CDHR2: variants seen among roughly 807,000 people sequenced by gnomAD.
CDHR2 encodes cadherin related family member 2.
Under a neutral mutation model 138.6 loss-of-function variants are expected in CDHR2, and 104 were observed. That is an observed-to-expected ratio of 0.75 (90% CI 0.64 to 0.88). The LOEUF (loss-of-function observed/expected upper bound fraction) is 0.88. CDHR2 is among the 40% of genes least tolerant of loss of function. The pLI is 0.00. For missense variants in CDHR2, 1,624 were observed against 1,727.6 expected (o/e 0.94, Z 1.06); for synonymous variants, 755 against 742.8 (o/e 1.02, Z -0.27).
chr5:176,559,372 T>C (rs1223897679), intron 1 of CDHR2, among the ~76,000 whole-genome samples: 1 of 152,242 alleles, frequency 6.6e-6, no homozygotes, highest in African/African-American at 2.4e-5. Context: ...CTGGGTCCTT[T>C]GTATGTCACT....
Position 176,578,624 on chromosome 5 carries a change from G to A in CDHR2, c.1818+16G>A, listed in dbSNP as rs868375122. 1.2e-6 allele frequency: 2 copies of A among 1,606,210 alleles called. No individual in the cohort carries two copies. Among genetic ancestry groups the A allele is most frequent in the Admixed American group, 3.3e-5 (2 of 60,016 alleles). ...GACCATCCAGGTGTGAGCCTGCCTG[G>A]ACCTGGTGGGTAAGGCTGGGGGAGG... On this transcript the variant is annotated intron_variant, in intron 16 of 31. Coordinates refer to ENST00000261944, the MANE Select transcript of CDHR2 (RefSeq NM_017675.6).
chr5:176,590,647 C>G lies in CDHR2; in HGVS notation c.3499C>G (p.Leu1167Val). ...IGLGVALLLV[L>V]VIMTMAFVCV... ...ATTGGGAGTGGCTTTGCTGCTGGTC[C>G]TTGTGATCATGACCATGGCCTTCGT... is the stretch of plus-strand genomic sequence containing the variant. Residue 1167 changes from leucine to valine, a missense_variant, in exon 28 of 32, where the codon CTT (leucine) becomes GTT (valine). Leu to Val is a conservative substitution (Grantham distance 32). This residue lies in a region of CDHR2 where 556 missense variants were observed against 565.7 expected (regional missense o/e 0.98). Transcript: ENST00000261944. 1 of 1,613,846 alleles carries G rather than the reference C, an allele frequency of 6.2e-7. No homozygotes were observed. The highest frequency in any genetic ancestry group is 8.5e-7 in the Non-Finnish European group (1 of 1,180,016).
chr5:176,569,875 G>A (rs936156251), intron 5 of CDHR2, among the ~76,000 whole-genome samples: 4 of 151,524 alleles, frequency 2.6e-5, no homozygotes, highest in Non-Finnish European at 4.4e-5. Flanking sequence ...CACAAGAATC[G>A]CTTGAACCCG....
At chr5:176,583,563 C>T (rs1581146283) in intron 17 of CDHR2, among the ~76,000 whole-genome samples, 1 of 152,214 alleles carries the variant, frequency 6.6e-6, no homozygotes, top group East Asian at 1.9e-4. Context: ...GAGTCACCTC[C>T]AGGCTGTGAC....
chr5:176,586,839 C>G lies in CDHR2; in HGVS notation c.2853C>G (p.Val951=), dbSNP rs1259167815. Reference sequence around the variant, plus strand: ...TGCCCAACCGGGAGGTGGCTTCTGTCCGGGTAAGTTCTTGGCTCCAGCCTT... The same window carrying G: ...TGCCCAACCGGGAGGTGGCTTCTGTGCGGGTAAGTTCTTGGCTCCAGCCTT... ...LVLPNREVAS[V]RARDDDSGNN... is the part of the protein sequence containing the mutation. Residue 951 remains valine, a synonymous_variant, in exon 21 of 32, where the codon GTC becomes GTG. Coordinates refer to ENST00000261944, the MANE Select transcript of CDHR2 (RefSeq NM_017675.6). The G allele has an allele frequency of 6.2e-7, 1 of 1,609,072 alleles. No individual in the cohort carries two copies.
In CDHR2 at chr5:176,591,437, C is replaced by G. The variant is rs372571049; in HGVS notation, c.3687C>G (p.Asp1229Glu). Residue 1229 changes from aspartate to glutamate, a missense_variant, in exon 30 of 32, where the codon GAC (aspartate) becomes GAG (glutamate). Physicochemically the swap from Asp to Glu is conservative, Grantham distance 45. Around this residue, in one of 3 missense-constraint regions of CDHR2, gnomAD observed 556 missense variants for 565.7 expected, o/e 0.98. Coordinates refer to ENST00000261944, the MANE Select transcript of CDHR2 (RefSeq NM_017675.6). ...ANPMLNLPNK[D>E]LGLEYLSPSN... ...CCATGCTGAACCTCCCCAACAAAGA[C>G]CTGGGCTTGGAGTACCTCTCTCCCT... 5 of 1,613,900 alleles carry G rather than the reference C, an allele frequency of 3.1e-6. No individual in the cohort carries two copies. Among genetic ancestry groups the G allele is most frequent in the East Asian group, 2.2e-5 (1 of 44,902 alleles).
At position 176,553,832 on chromosome 5, in the gene CDHR2, C is replaced by T. The variant is rs1757763921; in HGVS notation, c.-16+4418C>T. Among the ~76,000 whole-genome samples the T allele has an allele frequency of 6.6e-6, 1 of 152,160 alleles. No homozygotes were observed. Among genetic ancestry groups the T allele is most frequent in the South Asian group, 2.1e-4 (1 of 4,824 alleles). ...CAGCATGTCCGTCCCTACTTACCAC[C>T]ACCAGTGCCACCCCTACCCCCGAGG... On this transcript the variant is annotated intron_variant, in intron 1 of 31. Transcript: ENST00000261944. The surrounding 1 kb of genome is among the most constrained non-coding windows in gnomAD (Gnocchi z 4.3).
chr5:176,571,868 A>T (rs1758243631), intron 6 of CDHR2, among the ~76,000 whole-genome samples: 1 of 152,096 alleles, frequency 6.6e-6, no homozygotes, highest in South Asian at 2.1e-4. Flanking sequence ...GGTACCTCAG[A>T]CTTCAGGCAT....
chr5:176,592,366 ATGG>A (rs1384089998), intron 30 of CDHR2, among the ~76,000 whole-genome samples: 4 of 91,030 alleles, frequency 4.4e-5, no homozygotes, highest in African/African-American at 1.3e-4. Flanking sequence ...AGTGATGGTG[ATGG>A]TGGTGGTGAT....
At chr5:176,570,714 C>T (rs944131454) in intron 5 of CDHR2, among the ~76,000 whole-genome samples, 4 of 152,110 alleles carry the variant, frequency 2.6e-5, no homozygotes, top group Admixed American at 6.5e-5. Flanking sequence ...CACTTTGGGA[C>T]GCCAAGGCGG....
In CDHR2 at chr5:176,565,754, G is replaced by A. The variant is rs1758064557; in HGVS notation, c.124+11G>A. 6.2e-7 allele frequency: 1 copy of A among 1,610,588 alleles called. No individual in the cohort carries two copies. Reference sequence around the variant, plus strand: ...AGGACCTGCCTGTGGGTGAGTCCCGGTCCCTGTGTCTGCCCCATGTCAGGT... The same window carrying A: ...AGGACCTGCCTGTGGGTGAGTCCCGATCCCTGTGTCTGCCCCATGTCAGGT... On this transcript the variant is annotated intron_variant, in intron 3 of 31. Transcript: ENST00000261944.
At position 176,575,328 on chromosome 5, in the gene CDHR2, C is replaced by G. The variant is rs1283896175; in HGVS notation, c.670C>G (p.Pro224Ala). The change falls in exon 9 of 32, where the codon CCT (proline) becomes GCT (alanine). Residue 224 changes from proline to alanine, a missense_variant. This residue lies in a region of CDHR2 where 1,061 missense variants were observed against 1,136.6 expected (regional missense o/e 0.93). Transcript: ENST00000261944. ...HNTFTIQCSL[P>A]VFLSISVVDQ... ...CACCTTCACCATCCAGTGCTCCCTG[C>G]CTGTCTTCCTGTCCATCTCCGTGGT... The G allele has an allele frequency of 6.2e-7, 1 of 1,614,126 alleles. No homozygotes were observed. The highest frequency in any genetic ancestry group is 8.5e-7 in the Non-Finnish European group (1 of 1,180,056).
At chr5:176,559,751 G>A (rs919608903) in intron 1 of CDHR2, among the ~76,000 whole-genome samples, 1 of 151,948 alleles carries the variant, frequency 6.6e-6, no homozygotes, top group Non-Finnish European at 1.5e-5. Context: ...GTCAACTAGG[G>A]GTGATCTTAC....
At chr5:176,594,165 G>C (rs923341540) in intron 31 of CDHR2, among the ~76,000 whole-genome samples, 5 of 152,150 alleles carry the variant, frequency 3.3e-5, no homozygotes, top group Non-Finnish European at 2.9e-5. Context: ...GACAAGTCAC[G>C]GAAAGTCTTC....
chr5:176,591,396 C>T lies in CDHR2; in HGVS notation c.3654-8C>T, dbSNP rs773160062. 2 of 1,613,994 alleles carry T rather than the reference C, an allele frequency of 1.2e-6. No individual in the cohort carries two copies. The highest frequency in any genetic ancestry group is 1.7e-6 in the Non-Finnish European group (2 of 1,179,920). On this transcript the variant is annotated splice_polypyrimidine_tract_variant and splice_region_variant and intron_variant, in intron 29 of 31. Coordinates refer to ENST00000261944, the MANE Select transcript of CDHR2 (RefSeq NM_017675.6). ...GGGCCAGGCAACTTGACCAGGCTTTCTCTCCAGAGCCAACCCCATGCTGAA... is the reference window on the plus strand; with the variant it reads ...GGGCCAGGCAACTTGACCAGGCTTTTTCTCCAGAGCCAACCCCATGCTGAA...
chr5:176,590,567 C>T lies in CDHR2; in HGVS notation c.3419C>T (p.Ser1140Phe). Residue 1140 changes from serine to phenylalanine, a missense_variant, in exon 28 of 32, where the codon TCC becomes TTC. By Grantham distance (155) the Ser-to-Phe change is radical. Transcript: ENST00000261944. ...LLQLGLVVLGSQESQESDLSK... is the reference protein window; with the variant it reads ...LLQLGLVVLGFQESQESDLSK... The stretch of plus-strand genomic sequence containing the variant: ...CTCACACTCATCTTTCTCCAGGGCT[C>T]CCAGGAGAGCCAGGAGTCAGACCTG... The T allele has an allele frequency of 6.2e-7, 1 of 1,613,986 alleles. No individual in the cohort carries two copies. The highest frequency in any genetic ancestry group is 8.5e-7 in the Non-Finnish European group (1 of 1,179,970).
At chr5:176,592,651 G>T in intron 30 of CDHR2, 72 bp from the exon 31 acceptor site, 2 of 1,215,662 alleles carry the variant, frequency 1.6e-6, no homozygotes, top group Non-Finnish European at 1.2e-6. Context: ...TGGTGATGGA[G>T]GTGGTGGTTC....
At chr5:176,582,463 C>T (rs927179891) in intron 17 of CDHR2, among the ~76,000 whole-genome samples, 3 of 152,128 alleles carry the variant, frequency 2.0e-5, no homozygotes, top group Admixed American at 6.5e-5. Context: ...TCACTGAGCC[C>T]GGTTTATTAC....
In CDHR2 at chr5:176,568,553, C is replaced by T. The variant is rs551092177; in HGVS notation, c.125-125C>T. 22 of 1,044,328 alleles carry T rather than the reference C, an allele frequency of 2.1e-5. No individual in the cohort carries two copies. The Admixed American group carries it at 3.8e-4, about 18-fold the overall frequency. 64.7% of individuals were successfully genotyped at this position (1,044,328 alleles called of 1,614,324 possible). A position where few individuals can be genotyped will look rare whatever the true frequency, so the allele number is the denominator to read the frequency against. On this transcript the variant is annotated intron_variant, in intron 3 of 31. Transcript: ENST00000261944. ...GACTTGGCTGATGGTTGGGGAGGTC[C>T]CAGATGGCAAGTCAAGCCTGTGTAC...
Sources: gnomAD v4.1 joint callset for allele counts (sites outside exome capture counted in the v4.1 genomes callset) on GRCh38, gnomAD v4.1.1 for gene constraint, gnomAD v4.1.1 regional missense constraint, Gnocchi (gnomAD v3.1) non-coding constraint, MANE v1.5 for transcripts, NCBI Gene and HGNC (gene_info 2026-07-23, HGNC 2026-07-21) for gene names.